COL24A1: variants seen among roughly 807,000 people sequenced by gnomAD.
The protein encoded by COL24A1 is collagen type XXIV alpha 1 chain.
A neutral mutation model predicts 253.9 loss-of-function variants in COL24A1; 224 were observed. The observed-to-expected ratio is 0.88, with a 90% CI of 0.79 to 0.99. COL24A1 has a LOEUF of 0.99. COL24A1 is among the 50% of genes least tolerant of loss of function. The probability of loss-of-function intolerance (pLI) is 0.00; values close to 1 mark genes in which losing one functional copy is unlikely to be tolerated. For missense variants in COL24A1, 2,131 were observed against 2,068.5 expected, an observed-to-expected ratio of 1.03 and a Z score of -0.59; for synonymous variants, 685 against 673.7, an observed-to-expected ratio of 1.02 and a Z score of -0.26.
chr1:85,968,037 G>A (rs542774612), intron 22 of COL24A1, among the ~76,000 whole-genome samples: 79 of 152,220 alleles, frequency 5.2e-4, no homozygotes, highest in African/African-American at 1.8e-3. Flanking sequence ...AGGAGAGACT[G>A]CCCTAGCCTC....
intron 57 of COL24A1, among the ~76,000 whole-genome samples, chr1:85,739,853 T>A (rs1252868599): frequency 6.6e-6 from 1 of 152,152 alleles, no homozygotes; most frequent in Admixed American, 6.5e-5. Flanking sequence ...CAAGGCCATA[T>A]CCTAGCTTTT....
chr1:86,055,723 A>G lies in COL24A1; in HGVS notation c.1851+2208T>C, dbSNP rs147053303. On this transcript the variant is annotated intron_variant, in intron 10 of 59. Transcript: ENST00000370571. ...TGCTCATCTTGTTTAATTTTTCACA[A>G]CTACCTGAAAAGTAAGTTTCATCAT... 4.0e-3 allele frequency among the ~76,000 whole-genome samples: 611 copies of G among 152,322 alleles called. 9 individuals are homozygous for G. Among genetic ancestry groups the G allele is most frequent in the Admixed American group, 4.3e-3 (65 of 15,284 alleles).
chr1:85,944,466 T>C (rs1157498292), intron 24 of COL24A1, among the ~76,000 whole-genome samples: 2 of 152,210 alleles, frequency 1.3e-5, no homozygotes, highest in Non-Finnish European at 2.9e-5. Context: ...TAAATCTTTT[T>C]TAAAAAAATT....
At chr1:85,791,446 G>C (rs2101670139) in intron 47 of COL24A1, among the ~76,000 whole-genome samples, 1 of 152,204 alleles carries the variant, frequency 6.6e-6, no homozygotes, top group Non-Finnish European at 1.5e-5. Flanking sequence ...GATAAATTTG[G>C]AAAGCATATG....
At chr1:86,013,301 T>G (rs1696701867) in intron 19 of COL24A1, among the ~76,000 whole-genome samples, 1 of 152,234 alleles carries the variant, frequency 6.6e-6, no homozygotes, top group Non-Finnish European at 1.5e-5. Context: ...CACTGAATTA[T>G]GCTTTCACAT....
At position 85,868,637 on chromosome 1, in the gene COL24A1, A is replaced by G. The variant is rs1315854977; in HGVS notation, c.3193-11T>C. 1 of 1,607,088 alleles carries G rather than the reference A, an allele frequency of 6.2e-7. No homozygotes were observed. Among genetic ancestry groups the G allele is most frequent in the East Asian group, 2.2e-5 (1 of 44,822 alleles). On this transcript the variant is annotated splice_polypyrimidine_tract_variant and intron_variant, in intron 36 of 59. Transcript: ENST00000370571. ...TCCTCCTGGTACTCCCTGTAATGCA[A>G]TAAAAAAGTTTTCTATAAAGGAATA...
At chr1:85,767,210 A>G (rs72950607) in intron 53 of COL24A1, among the ~76,000 whole-genome samples, 4,843 of 152,016 alleles carry the variant, frequency 0.032, 261 homozygotes, top group African/African-American at 0.11. Flanking sequence ...ACTTGTCTCA[A>G]TACAATAGGT....
At chr1:85,933,982 G>T (rs1002848476) in intron 24 of COL24A1, among the ~76,000 whole-genome samples, 8 of 152,114 alleles carry the variant, frequency 5.3e-5, no homozygotes, top group Non-Finnish European at 1.2e-4. Context: ...AAATTCAAAG[G>T]TGGCTTAAAT....
At chr1:86,152,396 A>G (rs973747039) in intron 1 of COL24A1, among the ~76,000 whole-genome samples, 3 of 152,220 alleles carry the variant, frequency 2.0e-5, no homozygotes, top group Non-Finnish European at 4.4e-5. Context: ...ATTACTAAAA[A>G]TATTATATAA....
chr1:85,782,279 G>T (rs1238216487), intron 51 of COL24A1, among the ~76,000 whole-genome samples: 1 of 152,036 alleles, frequency 6.6e-6, no homozygotes, highest in Non-Finnish European at 1.5e-5. Context: ...TTAGAGATGG[G>T]GTTTTACCAT....
intron 47 of COL24A1, among the ~76,000 whole-genome samples, chr1:85,811,613 TTTTG>T (rs749957040): frequency 2.0e-4 from 30 of 152,280 alleles, no homozygotes; most frequent in South Asian, 1.0e-3. Context: ...TATTTTCTGT[TTTTG>T]TTTGTTTGTT....
intron 46 of COL24A1, among the ~76,000 whole-genome samples, chr1:85,817,627 A>G (rs1673176304): frequency 6.6e-6 from 1 of 151,924 alleles, no homozygotes; most frequent in Non-Finnish European, 1.5e-5. Flanking sequence ...TTTTCCTAAG[A>G]CTTTTTATTT....
At chr1:85,807,535 A>G (rs780290819) in intron 47 of COL24A1, among the ~76,000 whole-genome samples, 3 of 152,190 alleles carry the variant, frequency 2.0e-5, no homozygotes, top group Non-Finnish European at 4.4e-5. Flanking sequence ...AATTGAACAT[A>G]GGAGACATAG....
chr1:85,818,193 A>C (rs777710080), intron 45 of COL24A1, 106 bp from the exon 46 acceptor site: 19 of 794,234 alleles, frequency 2.4e-5, no homozygotes, highest in Admixed American at 6.3e-5. Flanking sequence ...AACTAGCACG[A>C]ACTAGTTGTA....
intron 19 of COL24A1, among the ~76,000 whole-genome samples, chr1:86,005,096 AAG>A (rs1160474050): frequency 6.8e-5 from 10 of 146,216 alleles, no homozygotes; most frequent in African/African-American, 2.0e-4. Context: ...TGGACAGTGA[AAG>A]AGTGAGAAAA....
chr1:86,026,270 A>G (rs1452456054), intron 14 of COL24A1, among the ~76,000 whole-genome samples: 1 of 152,208 alleles, frequency 6.6e-6, no homozygotes, highest in Non-Finnish European at 1.5e-5. Flanking sequence ...CATCTATATC[A>G]GTTTAGAAGA....
At chr1:86,092,242 T>C in intron 6 of COL24A1, 25 bp downstream of exon 6, 1 of 1,539,328 alleles carries the variant, frequency 6.5e-7, no homozygotes, top group Non-Finnish European at 8.9e-7. Flanking sequence ...ATTACCATAA[T>C]TTCATTTCAT....
chr1:86,106,759 A>AT (rs990517628), intron 5 of COL24A1, among the ~76,000 whole-genome samples: 17 of 152,022 alleles, frequency 1.1e-4, no homozygotes, highest in African/African-American at 3.6e-4. Flanking sequence ...TTAGTTTCTT[A>AT]TTTTTTTTAA....
intron 53 of COL24A1, among the ~76,000 whole-genome samples, chr1:85,773,647 T>A (rs1209814884): frequency 1.0e-5 from 1 of 96,774 alleles, no homozygotes; most frequent in Admixed American, 1.2e-4. Flanking sequence ...GAATGGGAGT[T>A]CACTCATGAT....
Sources: allele counts gnomAD v4.1 joint callset (sites outside exome capture counted in the v4.1 genomes callset), GRCh38; gene constraint gnomAD v4.1.1; transcripts MANE v1.5; gene names NCBI Gene and HGNC (gene_info 2026-07-23, HGNC 2026-07-21).